The following GABRA1 variants were observed in gnomAD, a reference collection of about 807,000 sequenced individuals.
GABRA1 encodes the protein gamma-aminobutyric acid receptor subunit alpha-1.
Under a neutral mutation model 48.9 loss-of-function variants are expected in GABRA1, and 9 were observed. The ratio of observed to expected loss-of-function variants is 0.18; its 90% confidence interval spans 0.11 to 0.32. The LOEUF (loss-of-function observed/expected upper bound fraction) is 0.32. GABRA1 is among the 10% of genes least tolerant of loss of function. The pLI, the probability that GABRA1 is intolerant of heterozygous loss-of-function variation, is 1.00. For synonymous variants in GABRA1, 210 were observed against 198.7 expected (o/e 1.06, Z -0.48); for missense variants, 285 against 553.8 (o/e 0.51, Z 4.87).
intron 3 of GABRA1, among the ~76,000 whole-genome samples, chr5:161,863,521 A>G (rs1757937747): frequency 6.6e-6 from 1 of 152,042 alleles, no homozygotes; most frequent in Non-Finnish European, 1.5e-5. Context: ...AGAGAGCTCA[A>G]TTATCACCAA....
chr5:161,880,066 A>G (rs990778120), intron 6 of GABRA1, among the ~76,000 whole-genome samples: 2 of 152,230 alleles, frequency 1.3e-5, no homozygotes, highest in Non-Finnish European at 2.9e-5. Context: ...TCTAATATAC[A>G]GTTTTGCCTA....
intron 4 of GABRA1, among the ~76,000 whole-genome samples, chr5:161,869,404 G>A (rs1188940732): frequency 1.3e-5 from 2 of 152,092 alleles, no homozygotes; most frequent in East Asian, 3.9e-4. Flanking sequence ...CTTGAACCCA[G>A]GTTATTTAGC....
chr5:161,890,864 A>T (rs1561584672), intron 7 of GABRA1, 34 bp from the exon 8 acceptor site: 1 of 1,606,136 alleles, frequency 6.2e-7, no homozygotes, highest in Middle Eastern at 1.7e-4. Flanking sequence ...CTAAAGTCAA[A>T]TTGCTCATCT....
At chr5:161,859,191 G>A (rs948555108) in intron 3 of GABRA1, among the ~76,000 whole-genome samples, 29 of 151,646 alleles carry the variant, frequency 1.9e-4, no homozygotes, top group African/African-American at 7.0e-4. Flanking sequence ...AGCTGTCTCT[G>A]AATGTATTTT....
intron 2 of GABRA1, among the ~76,000 whole-genome samples, chr5:161,852,997 A>G (rs953634675): frequency 6.6e-6 from 1 of 151,908 alleles, no homozygotes; most frequent in African/African-American, 2.4e-5. Context: ...AGCCCAAAGT[A>G]TATTAAGTAG....
intron 4 of GABRA1, among the ~76,000 whole-genome samples, chr5:161,869,190 A>G (rs745710314): frequency 4.6e-5 from 7 of 152,196 alleles, no homozygotes; most frequent in Admixed American, 1.3e-4. Flanking sequence ...AAAATTTTGT[A>G]GTTTTTAAAG....
At chr5:161,862,589 T>C (rs911673123) in intron 3 of GABRA1, among the ~76,000 whole-genome samples, 3 of 151,892 alleles carry the variant, frequency 2.0e-5, no homozygotes, top group African/African-American at 7.2e-5. Flanking sequence ...TCTCTATCCA[T>C]CCCCTAATCG....
chr5:161,881,194 C>G (rs528369880), intron 6 of GABRA1, among the ~76,000 whole-genome samples: 1 of 152,268 alleles, frequency 6.6e-6, no homozygotes, highest in African/African-American at 2.4e-5. Context: ...CCAACATTTA[C>G]TATGATGCCT....
intron 7 of GABRA1, among the ~76,000 whole-genome samples, chr5:161,885,292 C>A (rs1021692874): frequency 6.6e-6 from 1 of 152,108 alleles, no homozygotes; most frequent in Non-Finnish European, 1.5e-5. Context: ...TGTGTAAGGT[C>A]TGCAATGCTG....
chr5:161,897,240 C>A lies in GABRA1; in HGVS notation c.1189C>A (p.Pro397Thr). 5 of 1,614,104 alleles carry A rather than the reference C, an allele frequency of 3.1e-6. No individual in the cohort carries two copies. Among genetic ancestry groups the A allele is most frequent in the Non-Finnish European group, 3.4e-6 (4 of 1,179,998 alleles). ...ATIAKSATIE[P>T]KEVKPETKPP... is the part of the protein sequence containing the mutation. ...CATTGCTAAAAGTGCAACCATAGAA[C>A]CTAAAGAGGTCAAGCCCGAAACAAA... Residue 397 changes from proline (P) to threonine (T), a missense_variant, in exon 10 of 10, where the codon CCT becomes ACT. By Grantham distance (38) the Pro-to-Thr change is conservative. Around this residue, in one of 6 missense-constraint regions of GABRA1, gnomAD observed 99 missense variants for 94.2 expected, o/e 1.05. Transcript: ENST00000393943.
chr5:161,875,735 T>G, intron 6 of GABRA1, 93 bp downstream of exon 6: 5 of 914,646 alleles, frequency 5.5e-6, no homozygotes, highest in African/African-American at 1.6e-5. Context: ...GATAAGGGAA[T>G]CAAGAAAATT....
In GABRA1 at chr5:161,897,506, T is replaced by A; in HGVS notation, c.*84T>A. On this transcript the variant is annotated 3_prime_UTR_variant, in exon 10 of 10. Transcript: ENST00000393943. ...AACGCAGTAATTCCCATCTGCTTTA[T>A]TGCCTCTGTCTTAAAGAATTTGAAA... is the stretch of plus-strand genomic sequence containing the variant. 8.0e-7 allele frequency: 1 copy of A among 1,249,422 alleles called. No individual in the cohort carries two copies. The highest frequency in any genetic ancestry group is 1.2e-6 in the Non-Finnish European group (1 of 857,034). 77.4% of individuals were successfully genotyped at this position (1,249,422 alleles called of 1,614,324 possible). A position where few individuals can be genotyped will look rare whatever the true frequency, so the allele number is the denominator to read the frequency against.
chr5:161,895,685 C>T lies in GABRA1; in HGVS notation c.876C>T (p.Thr292=). ...RTVFGVTTVL[T]MTTLSISARN... ...TTACAGGAGTAACAACTGTGCTCAC[C>T]ATGACAACATTGAGCATCAGTGCCA... is the stretch of plus-strand genomic sequence containing the variant. The change falls in exon 9 of 10, where the codon ACC becomes ACT. Residue 292 remains threonine, a synonymous_variant. Coordinates refer to ENST00000393943, the MANE Select transcript of GABRA1 (RefSeq NM_001127644.2). 1 of 1,613,668 alleles carries T rather than the reference C, an allele frequency of 6.2e-7. No homozygotes were observed. The highest frequency in any genetic ancestry group is 8.5e-7 in the Non-Finnish European group (1 of 1,179,870).
At chr5:161,852,830 G>T (rs565612302) in intron 2 of GABRA1, among the ~76,000 whole-genome samples, 1 of 152,032 alleles carries the variant, frequency 6.6e-6, no homozygotes, top group Non-Finnish European at 1.5e-5. Context: ...AATAGCCATT[G>T]CATTTTGCCG....
intron 3 of GABRA1, among the ~76,000 whole-genome samples, chr5:161,858,077 A>C (rs1251395955): frequency 6.6e-6 from 1 of 151,568 alleles, no homozygotes; most frequent in African/African-American, 2.4e-5. Flanking sequence ...AGAGCAAAAC[A>C]GAGGAAATGA....
At chr5:161,864,832 T>G in intron 3 of GABRA1, among the ~76,000 whole-genome samples, 1 of 148,846 alleles carries the variant, frequency 6.7e-6, no homozygotes, top group East Asian at 2.0e-4. Flanking sequence ...TAAAATAAAA[T>G]AAAATAAAAT....
At chr5:161,874,886 A>G (rs1754277761) in intron 5 of GABRA1, among the ~76,000 whole-genome samples, 1 of 152,160 alleles carries the variant, frequency 6.6e-6, no homozygotes, top group Non-Finnish European at 1.5e-5. Context: ...GCAATCCAAA[A>G]AAAAACAAAA....
chr5:161,886,578 C>T (rs1754857057), intron 7 of GABRA1, among the ~76,000 whole-genome samples: 2 of 151,898 alleles, frequency 1.3e-5, no homozygotes, highest in African/African-American at 2.4e-5. Flanking sequence ...GTGTTCCAAA[C>T]CAGCCTGGGA....
intron 3 of GABRA1, among the ~76,000 whole-genome samples, chr5:161,860,517 G>T: frequency 6.6e-6 from 1 of 151,446 alleles, no homozygotes; most frequent in Non-Finnish European, 1.5e-5. Context: ...ATGGTTAATG[G>T]GTACAAAAGA....
Sources: allele counts gnomAD v4.1 joint callset (sites outside exome capture counted in the v4.1 genomes callset), GRCh38; gene constraint gnomAD v4.1.1; regional missense constraint gnomAD v4.1.1; transcripts MANE v1.5; gene names NCBI Gene and HGNC (gene_info 2026-07-23, HGNC 2026-07-21).